DCAF5: variants seen among roughly 807,000 people sequenced by gnomAD.
DCAF5 encodes DDB1- and CUL4-associated factor 5.
In DCAF5, 9 loss-of-function variants were observed where a neutral mutation model predicts 80.7. The observed-to-expected ratio is 0.11, with a 90% CI of 0.07 to 0.19. The LOEUF is 0.19. Among genes scored for constraint, DCAF5 ranks in the 10% least tolerant of loss-of-function variants. DCAF5 has a pLI of 1.00. For missense variants in DCAF5, 842 were observed against 1,205.7 expected, an observed-to-expected ratio of 0.70 and a Z score of 4.47; for synonymous variants, 433 against 461.9, an observed-to-expected ratio of 0.94 and a Z score of 0.80.
At position 69,152,752 on chromosome 14, in the gene DCAF5, G is replaced by A; in HGVS notation, c.214+13C>T. 1 of 1,610,058 alleles carries A rather than the reference G, an allele frequency of 6.2e-7. No homozygotes were observed. The highest frequency in any genetic ancestry group is 2.2e-5 in the East Asian group (1 of 44,778). ...TGCGGGGAGGCGCGGGGAGGGGAAG[G>A]GGGTTGATTTACCTGAGACCAGCCA... On this transcript the variant is annotated intron_variant, in intron 1 of 8. Transcript: ENST00000341516. The surrounding 1 kb of genome is among the most constrained non-coding windows in gnomAD (Gnocchi z 4.1).
rs114882752 is a variant in DCAF5, at chr14:69,149,737, A to C, written c.214+3028T>G. Among the ~76,000 whole-genome samples, 613 of 152,340 alleles carry C rather than the reference A, an allele frequency of 4.0e-3. 2 individuals are homozygous for C. Among genetic ancestry groups the C allele is most frequent in the African/African-American group, 0.014 (579 of 41,564 alleles). On this transcript the variant is annotated intron_variant, in intron 1 of 8. Transcript: ENST00000341516. ...AAGGGCTTTCCAAACCAGACAAGAC[A>C]CAAGAACAACAAAATGCATAAAAGT...
At chr14:69,098,893 C>CAAAAAAAAAAAAAAAA (rs57089112) in intron 5 of DCAF5, among the ~76,000 whole-genome samples, 3 of 59,578 alleles carry the variant, frequency 5.0e-5, no homozygotes, top group East Asian at 3.4e-4. Flanking sequence ...ACTCTGTCTC[C>CAAAAAAAAAAAAAAAA]AAAAAAAAAA....
chr14:69,084,816 T>G, intron 6 of DCAF5: 1 of 1,062,834 alleles, frequency 9.4e-7, no homozygotes, highest in Middle Eastern at 2.1e-4. Context: ...GGAACACTAT[T>G]GTGTACAGAT....
chr14:69,080,699 A>G (rs950231075), intron 6 of DCAF5, among the ~76,000 whole-genome samples: 2 of 152,248 alleles, frequency 1.3e-5, no homozygotes, highest in African/African-American at 4.8e-5. Flanking sequence ...CTATATAAAT[A>G]GGCAAGCTAT....
chr14:69,091,970 G>C, intron 5 of DCAF5, 83 bp from the exon 6 acceptor site: 2 of 1,158,982 alleles, frequency 1.7e-6, no homozygotes, highest in Non-Finnish European at 1.2e-6. Flanking sequence ...ATGACCTCCT[G>C]TCAAGCTTGC....
chr14:69,122,031 A>G (rs996202797), intron 2 of DCAF5, among the ~76,000 whole-genome samples, 186 bp downstream of exon 2: 34 of 151,920 alleles, frequency 2.2e-4, no homozygotes, highest in Non-Finnish European at 2.9e-5. Context: ...AAAAAAGAGA[A>G]GAGAGAAAAG....
chr14:69,066,140 T>G (rs946604233), intron 7 of DCAF5, among the ~76,000 whole-genome samples: 3 of 151,568 alleles, frequency 2.0e-5, no homozygotes, highest in East Asian at 1.9e-4. Context: ...TGACACTGTT[T>G]TTTTTTTTTT....
chr14:69,153,139 C>A, upstream of DCAF5: 1 of 495,514 alleles, frequency 2.0e-6, no homozygotes. Context: ...CGGCGGCGTT[C>A]GCGGCTTCCT....
At chr14:69,092,020 C>G in intron 5 of DCAF5, 133 bp from the exon 6 acceptor site, 1 of 710,714 alleles carries the variant, frequency 1.4e-6, no homozygotes, top group South Asian at 1.9e-5. Flanking sequence ...TGTGCAGTGG[C>G]TAGAATAATG....
At chr14:69,063,644 CT>C (rs1441440696) in intron 7 of DCAF5, among the ~76,000 whole-genome samples, 2 of 152,222 alleles carry the variant, frequency 1.3e-5, no homozygotes, top group Non-Finnish European at 2.9e-5. Context: ...CCAAATATTT[CT>C]CAATGTCTGT....
chr14:69,139,129 C>A (rs1405318966), intron 1 of DCAF5, among the ~76,000 whole-genome samples: 1 of 151,932 alleles, frequency 6.6e-6, no homozygotes, highest in African/African-American at 2.4e-5. Context: ...CCAGCCTGGG[C>A]AACAGAGTAT....
intron 5 of DCAF5, among the ~76,000 whole-genome samples, chr14:69,104,839 G>A (rs1354554336): frequency 6.6e-6 from 1 of 151,146 alleles, no homozygotes; most frequent in Non-Finnish European, 1.5e-5. Context: ...CCTGGGCAAC[G>A]AGAGCAAAAC....
chr14:69,151,913 G>T (rs976772443), intron 1 of DCAF5, among the ~76,000 whole-genome samples: 2 of 152,210 alleles, frequency 1.3e-5, no homozygotes. Flanking sequence ...GAGCCCGGGG[G>T]CAACCAGGCC....
At position 69,053,626 on chromosome 14, in the gene DCAF5, C is replaced by T. The variant is rs1029485519; in HGVS notation, c.*231G>A. On this transcript the variant is annotated 3_prime_UTR_variant, in exon 9 of 9. Transcript: ENST00000341516. ...CTCACGTCTCACTAGAAAGGAGTCA[C>T]TTGGGTTATTTTTTTTTCCCCTTTC... The T allele has an allele frequency of 6.1e-6, 3 of 492,068 alleles. No individual in the cohort carries two copies. Among genetic ancestry groups the T allele is most frequent in the Admixed American group, 8.8e-5 (2 of 22,746 alleles). The allele number at this position is 492,068 out of a possible 1,614,324, so 30.5% of individuals were successfully genotyped here.
chr14:69,075,313 T>C (rs778767360), intron 7 of DCAF5, 32 bp downstream of exon 7: 13 of 1,587,440 alleles, frequency 8.2e-6, no homozygotes, highest in South Asian at 4.5e-5. Context: ...GAGCCAGCAA[T>C]AGCAGTACAT....
chr14:69,062,623 C>T (rs906362687), intron 7 of DCAF5, 112 bp from the exon 8 acceptor site: 2 of 1,185,918 alleles, frequency 1.7e-6, no homozygotes, highest in African/African-American at 1.5e-5. Flanking sequence ...TTGGATTATA[C>T]CACCAGCAGA....
At chr14:69,127,659 T>A (rs942866802) in intron 1 of DCAF5, among the ~76,000 whole-genome samples, 1 of 152,214 alleles carries the variant, frequency 6.6e-6, no homozygotes, top group African/African-American at 2.4e-5. Flanking sequence ...GTGTTTATGA[T>A]GTGTCAGTAT....
At chr14:69,059,272 A>T (rs996448112) in intron 8 of DCAF5, among the ~76,000 whole-genome samples, 5 of 151,954 alleles carry the variant, frequency 3.3e-5, no homozygotes, top group Non-Finnish European at 5.9e-5. Context: ...TTTCATAGAG[A>T]TGGGGTTTCC....
At chr14:69,120,872 G>C (rs2040698062) in intron 2 of DCAF5, among the ~76,000 whole-genome samples, 1 of 152,188 alleles carries the variant, frequency 6.6e-6, no homozygotes, top group East Asian at 1.9e-4. Flanking sequence ...AGCAACAAGA[G>C]GGTTTGCCTT....
Sources: allele counts gnomAD v4.1 joint callset (sites outside exome capture counted in the v4.1 genomes callset), GRCh38; gene constraint gnomAD v4.1.1; non-coding constraint Gnocchi (gnomAD v3.1); transcripts MANE v1.5; gene names NCBI Gene and HGNC (gene_info 2026-07-23, HGNC 2026-07-21).